ZBTB20: variants seen among roughly 807,000 people sequenced by gnomAD.
ZBTB20 encodes zinc finger and BTB domain containing 20.
ZBTB20 carries 9 observed loss-of-function variants against 56.9 expected under a neutral mutation model. That is an observed-to-expected ratio of 0.16 (90% CI 0.10 to 0.28). The LOEUF (loss-of-function observed/expected upper bound fraction) is 0.28. ZBTB20 is among the 10% of genes least tolerant of loss of function. ZBTB20 has a pLI of 1.00. For missense variants in ZBTB20, 655 were observed against 1,003.0 expected (o/e 0.65, Z 4.69); for synonymous variants, 417 against 420.7 (o/e 0.99, Z 0.11).
chr3:114,730,976 T>C (rs2065695584), intron 5 of ZBTB20, among the ~76,000 whole-genome samples: 2 of 152,216 alleles, frequency 1.3e-5, no homozygotes, highest in Non-Finnish European at 1.5e-5. Flanking sequence ...CTATCTTCCA[T>C]ATTATTTTTT....
intron 7 of ZBTB20, among the ~76,000 whole-genome samples, chr3:114,424,384 A>G (rs1052122659): frequency 6.6e-5 from 10 of 152,170 alleles, no homozygotes; most frequent in African/African-American, 2.4e-4. Context: ...TATGCATGCA[A>G]AGTCTCTCCC....
chr3:114,436,777 T>G (rs1038890800), intron 7 of ZBTB20, among the ~76,000 whole-genome samples: 1 of 152,130 alleles, frequency 6.6e-6, no homozygotes, highest in Admixed American at 6.6e-5. Flanking sequence ...GACAGAAGTT[T>G]GAGGCTGCAG....
intron 7 of ZBTB20, among the ~76,000 whole-genome samples, chr3:114,404,460 A>G (rs990709014): frequency 1.3e-5 from 2 of 152,186 alleles, no homozygotes; most frequent in African/African-American, 2.4e-5. Context: ...TTGAAGCAGT[A>G]TAAGAAAACA....
intron 7 of ZBTB20, among the ~76,000 whole-genome samples, chr3:114,456,258 T>C (rs2092012523): frequency 1.3e-5 from 2 of 151,898 alleles, no homozygotes; most frequent in African/African-American, 2.4e-5. Context: ...GAACAAGGGA[T>C]TTAAGTCTTT....
Position 114,350,713 on chromosome 3 carries a change from G to A in ZBTB20, c.1365C>T (p.Ser455=), listed in dbSNP as rs184110076. 3.5e-5 allele frequency: 57 copies of A among 1,614,200 alleles called. No homozygotes were observed. In the African/African-American group the frequency reaches 6.7e-4, roughly 19 times the overall value. ...VITVSNSSDK[S]VLQQPSVNTS... ...TGTTGACCGAAGGCTGTTGTAGGAC[G>A]CTCTTGTCGGAGCTGTTGCTGACAG... Residue 455 remains serine (S), a synonymous_variant, in exon 11 of 12, where the codon AGC becomes AGT. Transcript: ENST00000675478.
intron 5 of ZBTB20, among the ~76,000 whole-genome samples, chr3:114,715,671 C>T (rs1233547534): frequency 4.6e-5 from 7 of 152,202 alleles, no homozygotes; most frequent in Non-Finnish European, 8.8e-5. Flanking sequence ...GAGGTTACTT[C>T]GTCTTGCTTC....
chr3:114,800,062 C>T (rs938736187), intron 5 of ZBTB20, among the ~76,000 whole-genome samples: 1 of 151,860 alleles, frequency 6.6e-6, no homozygotes, highest in Non-Finnish European at 1.5e-5. Context: ...CCACATCTGG[C>T]ATTCCAACAA....
intron 2 of ZBTB20, among the ~76,000 whole-genome samples, chr3:115,070,002 T>A (rs866544382): frequency 1.3e-5 from 2 of 152,180 alleles, no homozygotes; most frequent in Admixed American, 6.6e-5. Context: ...AACCCTTTGA[T>A]GTAGGACCAA....
chr3:114,978,283 AT>A (rs1192781425), intron 2 of ZBTB20, among the ~76,000 whole-genome samples: 2 of 148,488 alleles, frequency 1.3e-5, no homozygotes, highest in East Asian at 3.9e-4. Flanking sequence ...TATATATAAA[AT>A]AGTAATACTT....
chr3:114,498,290 T>C (rs377277178), intron 7 of ZBTB20, among the ~76,000 whole-genome samples: 2 of 152,150 alleles, frequency 1.3e-5, no homozygotes, highest in Non-Finnish European at 2.9e-5. Flanking sequence ...TCAGTTCCTA[T>C]TGAAATCCAG....
chr3:114,885,333 A>G (rs562724651), intron 4 of ZBTB20, among the ~76,000 whole-genome samples: 36 of 152,298 alleles, frequency 2.4e-4, no homozygotes, highest in Non-Finnish European at 4.6e-4. Flanking sequence ...TTCAAGTCTT[A>G]TAATTCAAAC....
intron 3 of ZBTB20, among the ~76,000 whole-genome samples, chr3:114,965,009 C>G (rs979128246): frequency 6.6e-6 from 1 of 152,096 alleles, no homozygotes; most frequent in African/African-American, 2.4e-5. Context: ...TAAAATATGT[C>G]TATCTGAAAG....
chr3:114,815,759 A>G (rs2072871719), intron 4 of ZBTB20, among the ~76,000 whole-genome samples: 1 of 152,122 alleles, frequency 6.6e-6, no homozygotes, highest in East Asian at 1.9e-4. Context: ...ACGACCGGCT[A>G]CTACATAAAT....
intron 7 of ZBTB20, among the ~76,000 whole-genome samples, chr3:114,407,060 T>TA (rs1435108560): frequency 1.2e-4 from 19 of 152,196 alleles, no homozygotes; most frequent in African/African-American, 4.1e-4. Context: ...TGGCTCAGCC[T>TA]AACGGCCACA....
intron 7 of ZBTB20, among the ~76,000 whole-genome samples, chr3:114,440,454 T>A (rs1027232157): frequency 2.6e-5 from 4 of 152,118 alleles, no homozygotes; most frequent in Non-Finnish European, 5.9e-5. Context: ...AATGTAATTT[T>A]CCTGAAAAAA....
chr3:114,561,613 T>C (rs2052062340), intron 6 of ZBTB20, among the ~76,000 whole-genome samples: 1 of 152,010 alleles, frequency 6.6e-6, no homozygotes, highest in African/African-American at 2.4e-5. Flanking sequence ...GTCTCAAGAG[T>C]GGGCTTAAAA....
intron 6 of ZBTB20, among the ~76,000 whole-genome samples, chr3:114,622,104 A>G (rs2058361732): frequency 6.6e-6 from 1 of 152,140 alleles, no homozygotes; most frequent in Admixed American, 6.5e-5. Context: ...ACATGTTTTC[A>G]AAGTGTTAGA....
chr3:114,565,606 T>C (rs549001630), intron 6 of ZBTB20, among the ~76,000 whole-genome samples: 8 of 152,208 alleles, frequency 5.3e-5, no homozygotes, highest in Non-Finnish European at 1.2e-4. Flanking sequence ...AAACTAATTA[T>C]ATAGTTATCA....
At chr3:115,002,905 C>T (rs2079309811) in intron 2 of ZBTB20, among the ~76,000 whole-genome samples, 2 of 151,638 alleles carry the variant, frequency 1.3e-5, no homozygotes, top group African/African-American at 2.4e-5. Context: ...TTGGAGGCAA[C>T]GACGATGTCT....
Sources: allele counts gnomAD v4.1 joint callset (sites outside exome capture counted in the v4.1 genomes callset), GRCh38; gene constraint gnomAD v4.1.1; transcripts MANE v1.5; gene names NCBI Gene and HGNC (gene_info 2026-07-23, HGNC 2026-07-21).